UBE2QL1: variants seen among roughly 807,000 people sequenced by gnomAD.
UBE2QL1 encodes ubiquitin-conjugating enzyme E2Q-like protein 1.
Under a neutral mutation model 12.6 loss-of-function variants are expected in UBE2QL1, and 5 were observed. That is an observed-to-expected ratio of 0.40 (90% CI 0.21 to 0.83). The LOEUF is 0.83. UBE2QL1 is among the 40% of genes least tolerant of loss of function. The pLI, the probability that UBE2QL1 is intolerant of heterozygous loss-of-function variation, is 0.37. For missense variants in UBE2QL1, 99 were observed against 222.6 expected (o/e 0.44, Z 3.53); for synonymous variants, 96 against 94.5 (o/e 1.02, Z -0.10).
intron 1 of UBE2QL1, among the ~76,000 whole-genome samples, chr5:6,472,368 C>CT (rs1739930937): frequency 6.6e-6 from 1 of 152,144 alleles, no homozygotes; most frequent in Non-Finnish European, 1.5e-5. Flanking sequence ...TGTGGATTGT[C>CT]TCGAGGTATT....
chr5:6,451,270 G>C (rs540506983), intron 1 of UBE2QL1, among the ~76,000 whole-genome samples: 1 of 151,940 alleles, frequency 6.6e-6, no homozygotes, highest in African/African-American at 2.4e-5. Flanking sequence ...AAGAGAGAGA[G>C]GGACCTCAGG....
Position 6,484,670 on chromosome 5 carries a change from T to C in UBE2QL1, c.355-6548T>C, listed in dbSNP as rs146945044. 9.5e-3 allele frequency among the ~76,000 whole-genome samples: 1,442 copies of C among 152,162 alleles called. 8 individuals are homozygous for C. Among genetic ancestry groups the C allele is most frequent in the Non-Finnish European group, 0.015 (1,048 of 68,008 alleles). Reference sequence around the variant, plus strand: ...GTGGGGACTCAGCAGTCTCCCGGGTTGCACTTCAGACAAAACCTCAACATG... The same window carrying C: ...GTGGGGACTCAGCAGTCTCCCGGGTCGCACTTCAGACAAAACCTCAACATG... On this transcript the variant is annotated intron_variant, in intron 1 of 1. Transcript: ENST00000399816.
chr5:6,450,572 C>T (rs528920584), intron 1 of UBE2QL1, among the ~76,000 whole-genome samples: 2 of 152,302 alleles, frequency 1.3e-5, no homozygotes, highest in East Asian at 1.9e-4. Flanking sequence ...TTTCTACAGG[C>T]GGCCTATCAG....
At chr5:6,470,612 T>C (rs1287254357) in intron 1 of UBE2QL1, among the ~76,000 whole-genome samples, 1 of 152,210 alleles carries the variant, frequency 6.6e-6, no homozygotes, top group East Asian at 1.9e-4. Flanking sequence ...TGCACATCTT[T>C]TCTCATAAGG....
intron 1 of UBE2QL1, among the ~76,000 whole-genome samples, chr5:6,456,264 A>G (rs558090106): frequency 1.1e-4 from 16 of 152,340 alleles, no homozygotes; most frequent in African/African-American, 3.8e-4. Flanking sequence ...TGGATCTGAC[A>G]ATAGACAGTG....
At chr5:6,471,280 A>G (rs1739908137) in intron 1 of UBE2QL1, among the ~76,000 whole-genome samples, 1 of 152,184 alleles carries the variant, frequency 6.6e-6, no homozygotes, top group South Asian at 2.1e-4. Flanking sequence ...AGACACCAAC[A>G]TGTCTTCTCT....
rs77871924 is a variant in UBE2QL1 at position 6,496,110 on chromosome 5, C to T, written c.*4761C>T. On this transcript the variant is annotated 3_prime_UTR_variant, in exon 2 of 2. Transcript: ENST00000399816. ...TAGAGTGCAATGAGGGGGTCAGGTG[C>T]GAGGCCGTCCTCCCAGGTCAGTAAG... is the stretch of plus-strand genomic sequence containing the variant. Among the ~76,000 whole-genome samples the T allele has an allele frequency of 0.067, 10,203 of 152,156 alleles. 399 individuals are homozygous for T. The highest frequency in any genetic ancestry group is 0.12 in the Middle Eastern group (35 of 294).
intron 1 of UBE2QL1, among the ~76,000 whole-genome samples, chr5:6,460,013 A>T (rs1211408635): frequency 6.6e-6 from 1 of 152,028 alleles, no homozygotes; most frequent in East Asian, 1.9e-4. Flanking sequence ...AAGATCCTAA[A>T]CCTTATTCTG....
intron 1 of UBE2QL1, among the ~76,000 whole-genome samples, chr5:6,477,411 C>A (rs1166685400): frequency 6.6e-6 from 1 of 151,970 alleles, no homozygotes; most frequent in African/African-American, 2.4e-5. Context: ...GGTCAGCCTG[C>A]TGACAGGTGC....
intron 1 of UBE2QL1, among the ~76,000 whole-genome samples, chr5:6,469,106 T>C (rs1333556543): frequency 1.3e-5 from 2 of 152,218 alleles, no homozygotes; most frequent in Non-Finnish European, 2.9e-5. Flanking sequence ...TCTTGAACTC[T>C]GCAAGAGCAG....
chr5:6,487,100 G>A (rs1404164567), intron 1 of UBE2QL1, among the ~76,000 whole-genome samples: 3 of 152,228 alleles, frequency 2.0e-5, no homozygotes, highest in Non-Finnish European at 4.4e-5. Context: ...TTGAATGAAT[G>A]CATAAATGAA....
chr5:6,464,445 G>A (rs562279700), intron 1 of UBE2QL1, among the ~76,000 whole-genome samples: 42 of 152,322 alleles, frequency 2.8e-4, no homozygotes, highest in African/African-American at 1.0e-3. Flanking sequence ...ATACCTTGTG[G>A]TTTTGTTTGT....
chr5:6,483,509 C>A (rs904206267), intron 1 of UBE2QL1, among the ~76,000 whole-genome samples: 1 of 152,030 alleles, frequency 6.6e-6, no homozygotes, highest in African/African-American at 2.4e-5. Flanking sequence ...AGTGAAGGAT[C>A]GTGTTCCCTG....
rs535952964 is a variant in UBE2QL1, at chr5:6,478,450, T to C, written c.355-12768T>C. On this transcript the variant is annotated intron_variant, in intron 1 of 1. Transcript: ENST00000399816. This position sits in a 1 kb window ranked among gnomAD's most constrained non-coding sequence, Gnocchi z 4.5. ...CTGGGTTGTCTGTGAAAATCACGCG[T>C]TCCTTCTTGATGCAATATTTCTAGA... Among the ~76,000 whole-genome samples the C allele has an allele frequency of 6.6e-6, 1 of 152,340 alleles. No homozygotes were observed. The highest frequency in any genetic ancestry group is 1.9e-4 in the East Asian group (1 of 5,186).
chr5:6,450,632 A>G (rs1050690564), intron 1 of UBE2QL1, among the ~76,000 whole-genome samples: 3 of 152,096 alleles, frequency 2.0e-5, no homozygotes, highest in African/African-American at 7.2e-5. Context: ...GCTCTTTCAC[A>G]CTAATCAAAT....
At chr5:6,473,997 A>G (rs956593419) in intron 1 of UBE2QL1, among the ~76,000 whole-genome samples, 9 of 152,236 alleles carry the variant, frequency 5.9e-5, no homozygotes, top group Non-Finnish European at 1.3e-4. Context: ...AGGCCCTCAA[A>G]AAATTATTGG....
chr5:6,493,062 GC>G lies in UBE2QL1; in HGVS notation c.*1714del, dbSNP rs1437400207. ...ACCACTTTCTTATTTGCCCCCAAGT[GC>G]ACACAGGCAGCTCTGCCAGACCAAA... is the stretch of plus-strand genomic sequence containing the variant. On this transcript the variant is annotated 3_prime_UTR_variant, in exon 2 of 2. Coordinates refer to ENST00000399816, the MANE Select transcript of UBE2QL1 (RefSeq NM_001145161.3). The G allele has an allele frequency of 6.6e-6, 1 of 152,226 alleles. No homozygotes were observed. The highest frequency in any genetic ancestry group is 1.5e-5 in the Non-Finnish European group (1 of 68,046). 9.4% of individuals were successfully genotyped at this position (152,226 alleles called of 1,614,324 possible).
rs190154281 is a variant in UBE2QL1 at position 6,458,651 on chromosome 5, G to A, written c.354+9404G>A. ...ATTGGATATAACTATACCAAGTAAA[G>A]ATCAATTGCTGCTAGGATTAATTTG... On this transcript the variant is annotated intron_variant, in intron 1 of 1. Coordinates refer to ENST00000399816, the MANE Select transcript of UBE2QL1 (RefSeq NM_001145161.3). 7.2e-5 allele frequency among the ~76,000 whole-genome samples: 11 copies of A among 152,294 alleles called. No individual in the cohort carries two copies. The East Asian group carries it at 2.1e-3, about 29-fold the overall frequency.
intron 1 of UBE2QL1, among the ~76,000 whole-genome samples, chr5:6,460,210 A>G (rs1427580818): frequency 6.6e-6 from 1 of 152,178 alleles, no homozygotes; most frequent in East Asian, 1.9e-4. Context: ...TGAGCATCAG[A>G]TGCCTCCCCT....
Sources: allele counts gnomAD v4.1 joint callset (sites outside exome capture counted in the v4.1 genomes callset), GRCh38; gene constraint gnomAD v4.1.1; non-coding constraint Gnocchi (gnomAD v3.1); transcripts MANE v1.5; gene names NCBI Gene and HGNC (gene_info 2026-07-23, HGNC 2026-07-21).